Variants in SLC16A6 observed in about 807,000 individuals in gnomAD.
SLC16A6 encodes monocarboxylate transporter 7.
Under a neutral mutation model 33.8 loss-of-function variants are expected in SLC16A6, and 15 were observed. The ratio of observed to expected loss-of-function variants is 0.44; its 90% CI spans 0.30 to 0.68. SLC16A6 has a LOEUF of 0.68. SLC16A6 is among the 30% of genes least tolerant of loss of function. SLC16A6 has a pLI of 0.10. For missense variants in SLC16A6, 451 were observed against 661.5 expected, an observed-to-expected ratio of 0.68 and a Z score of 3.49; for synonymous variants, 219 against 248.4, an observed-to-expected ratio of 0.88 and a Z score of 1.11.
chr17:68,274,780 CTTTCT>C (rs1470702330), intron 2 of SLC16A6, among the ~76,000 whole-genome samples: 2,349 of 55,524 alleles, frequency 0.042, 27 homozygotes, highest in South Asian at 0.15. Context: ...TAGTTAGTTT[CTTTCT>C]TTTTTTTTTT....
At chr17:68,276,734 G>A (rs576847098) in intron 2 of SLC16A6, among the ~76,000 whole-genome samples, 21 of 152,140 alleles carry the variant, frequency 1.4e-4, no homozygotes, top group Admixed American at 1.1e-3. Flanking sequence ...GATTACAGGC[G>A]TGAGCCACCA....
At chr17:68,289,013 A>G (rs527734964) in intron 1 of SLC16A6, among the ~76,000 whole-genome samples, 1 of 152,122 alleles carries the variant, frequency 6.6e-6, no homozygotes, top group Non-Finnish European at 1.5e-5. Context: ...GGCAGTTTGG[A>G]GGATTTCCTA....
chr17:68,287,016 T>C (rs1464745486), intron 1 of SLC16A6, among the ~76,000 whole-genome samples: 1 of 151,976 alleles, frequency 6.6e-6, no homozygotes, highest in African/African-American at 2.4e-5. Context: ...GGAGTTTCGC[T>C]CTTGTTGCCT....
At chr17:68,282,492 TAA>T (rs61418415) in intron 1 of SLC16A6, among the ~76,000 whole-genome samples, 33 of 145,354 alleles carry the variant, frequency 2.3e-4, no homozygotes, top group Middle Eastern at 3.5e-3. Flanking sequence ...CCCTAGAACT[TAA>T]AAAAAAAAAA....
intron 1 of SLC16A6, among the ~76,000 whole-genome samples, chr17:68,287,495 GC>G (rs1322987119): frequency 6.6e-6 from 1 of 152,072 alleles, no homozygotes; most frequent in Non-Finnish European, 1.5e-5. Context: ...TCCTTTCTGA[GC>G]CACTGCTGGG....
chr17:68,272,837 G>T (rs782657234), intron 3 of SLC16A6, 70 bp from the exon 4 acceptor site: 7 of 1,580,960 alleles, frequency 4.4e-6, no homozygotes, highest in South Asian at 2.3e-5. Flanking sequence ...TGCATTAAAA[G>T]ATCTGGGATT....
At position 68,271,778 on chromosome 17, in the gene SLC16A6, A is replaced by T; in HGVS notation, c.506-124T>A. The T allele has an allele frequency of 1.0e-5, 7 of 702,306 alleles. No homozygotes were observed. The South Asian group carries it at 1.4e-4, about 14-fold the overall frequency. The allele number at this position is 702,306 out of a possible 1,614,324, so 43.5% of individuals were successfully genotyped here. A position where few individuals can be genotyped will look rare whatever the true frequency, so the allele number is the denominator to read the frequency against. On this transcript the variant is annotated intron_variant, in intron 4 of 5. Coordinates refer to ENST00000580666, the MANE Select transcript of SLC16A6 (RefSeq NM_004694.5). This position sits in a 1 kb window ranked among gnomAD's most constrained non-coding sequence, Gnocchi z 5.3. ...TATAAGTTCTGTGGAAATTTATTATACTCAGCAGTATGAATGTACTCAATC... is the reference window on the plus strand; with the variant it reads ...TATAAGTTCTGTGGAAATTTATTATTCTCAGCAGTATGAATGTACTCAATC...
At position 68,267,948 on chromosome 17, in the gene SLC16A6, A is replaced by G. The variant is rs2075207519; in HGVS notation, c.*1148T>C. ...TTAGATGGTTTTTTCTTTAAATCAGAAATGCTTTAACAATTCTCTGAAATA... is the reference window on the plus strand; with the variant it reads ...TTAGATGGTTTTTTCTTTAAATCAGGAATGCTTTAACAATTCTCTGAAATA... On this transcript the variant is annotated 3_prime_UTR_variant, in exon 6 of 6. Transcript: ENST00000580666. The G allele has an allele frequency of 6.6e-6, 1 of 152,234 alleles. No homozygotes were observed. The highest frequency in any genetic ancestry group is 2.4e-5 in the African/African-American group (1 of 41,470). The allele number at this position is 152,234 out of a possible 1,614,324, so 9.4% of individuals were successfully genotyped here.
At chr17:68,273,273 A>G (rs1221162757) in intron 3 of SLC16A6, among the ~76,000 whole-genome samples, 1 of 151,486 alleles carries the variant, frequency 6.6e-6, no homozygotes, top group Non-Finnish European at 1.5e-5. Flanking sequence ...CAGTGGTGTG[A>G]TCACAGCTCA....
intron 1 of SLC16A6, among the ~76,000 whole-genome samples, chr17:68,282,520 C>T (rs191858141): frequency 1.3e-3 from 196 of 151,542 alleles, no homozygotes; most frequent in African/African-American, 4.3e-3. Context: ...CACATAGGAC[C>T]AGGCGCAGTG....
At chr17:68,276,610 G>A (rs1397303936) in intron 2 of SLC16A6, among the ~76,000 whole-genome samples, 7 of 151,596 alleles carry the variant, frequency 4.6e-5, no homozygotes, top group Admixed American at 6.6e-5. Flanking sequence ...CACCATGCCC[G>A]GCCAATTTTT....
chr17:68,271,906 G>A lies in SLC16A6; in HGVS notation c.506-252C>T, dbSNP rs1337869335. ...CAACCTCCACCTCCCGGGTTCAAGCGATTCTCCTGCCTCAGCCTCCTGAGT... is the reference window on the plus strand; with the variant it reads ...CAACCTCCACCTCCCGGGTTCAAGCAATTCTCCTGCCTCAGCCTCCTGAGT... On this transcript the variant is annotated intron_variant, in intron 4 of 5. Coordinates refer to ENST00000580666, the MANE Select transcript of SLC16A6 (RefSeq NM_004694.5). The surrounding 1 kb of genome is among the most constrained non-coding windows in gnomAD (Gnocchi z 5.3). Among the ~76,000 whole-genome samples, 3 of 152,162 alleles carry A rather than the reference G, an allele frequency of 2.0e-5. No individual in the cohort carries two copies. The highest frequency in any genetic ancestry group is 2.9e-5 in the Non-Finnish European group (2 of 68,032).
intron 1 of SLC16A6, among the ~76,000 whole-genome samples, chr17:68,286,661 T>C (rs1161203760): frequency 6.6e-6 from 1 of 152,004 alleles, no homozygotes; most frequent in Non-Finnish European, 1.5e-5. Flanking sequence ...CCCACCATCA[T>C]GCCCGGTTGA....
intron 1 of SLC16A6, among the ~76,000 whole-genome samples, chr17:68,286,002 A>G (rs1289400249): frequency 6.6e-6 from 1 of 151,990 alleles, no homozygotes; most frequent in Non-Finnish European, 1.5e-5. Flanking sequence ...CTCGTGATCC[A>G]CCCACCTCGG....
chr17:68,282,172 TA>T (rs1301758103), intron 1 of SLC16A6, among the ~76,000 whole-genome samples: 1 of 151,898 alleles, frequency 6.6e-6, no homozygotes, highest in Admixed American at 6.6e-5. Context: ...TATGCAGCCA[TA>T]AAAAAGGATG....
intron 1 of SLC16A6, among the ~76,000 whole-genome samples, chr17:68,287,458 C>A (rs2075867413): frequency 6.6e-6 from 1 of 152,002 alleles, no homozygotes; most frequent in Non-Finnish European, 1.5e-5. Flanking sequence ...CCTCACCTAG[C>A]CAGATGGTGG....
intron 2 of SLC16A6, among the ~76,000 whole-genome samples, chr17:68,277,464 C>G (rs2075562564): frequency 6.6e-6 from 1 of 152,096 alleles, no homozygotes; most frequent in African/African-American, 2.4e-5. Context: ...GTGTCTCGCT[C>G]TGTTGCCCAG....
intron 1 of SLC16A6, among the ~76,000 whole-genome samples, chr17:68,283,571 C>T (rs1423635868): frequency 6.6e-6 from 1 of 151,004 alleles, no homozygotes; most frequent in Non-Finnish European, 1.5e-5. Context: ...GTAATCCCAG[C>T]ACACTTTGGG....
At chr17:68,278,744 C>T (rs570116228) in intron 1 of SLC16A6, among the ~76,000 whole-genome samples, 98 of 151,804 alleles carry the variant, frequency 6.5e-4, no homozygotes, top group African/African-American at 2.0e-3. Context: ...CTCAGCCTCC[C>T]GAGTAGCTGG....
Sources: gnomAD v4.1 joint callset for allele counts (sites outside exome capture counted in the v4.1 genomes callset) on GRCh38, gnomAD v4.1.1 for gene constraint, Gnocchi (gnomAD v3.1) non-coding constraint, MANE v1.5 for transcripts, NCBI Gene and HGNC (gene_info 2026-07-23, HGNC 2026-07-21) for gene names.